IPO5: variants seen among roughly 807,000 people sequenced by gnomAD.
The protein encoded by IPO5 is importin-5.
In IPO5, 18 loss-of-function variants were observed where a neutral mutation model predicts 143.3. That is an observed-to-expected ratio of 0.13 (90% CI 0.09 to 0.19). The LOEUF is 0.19. Among genes scored for constraint, IPO5 ranks in the 10% least tolerant of loss-of-function variants. The pLI is 1.00. For synonymous variants in IPO5, 477 were observed against 465.7 expected, an observed-to-expected ratio of 1.02 and a Z score of -0.31; for missense variants, 1,013 against 1,336.9, an observed-to-expected ratio of 0.76 and a Z score of 3.78.
intron 18 of IPO5, among the ~76,000 whole-genome samples, 192 bp downstream of exon 18, chr13:98,008,334 C>T (rs899041444): frequency 1.3e-5 from 2 of 152,180 alleles, no homozygotes; most frequent in African/African-American, 4.8e-5. Context: ...GTTGCTCTTG[C>T]TTTCTGTGAC....
At chr13:97,981,116 C>A in intron 4 of IPO5, 1 of 352,722 alleles carries the variant, frequency 2.8e-6, no homozygotes, top group Non-Finnish European at 5.5e-6. Flanking sequence ...CTCTCCTCGG[C>A]TGTGAATACT....
chr13:97,990,608 C>A, intron 9 of IPO5, 71 bp downstream of exon 9: 1 of 823,806 alleles, frequency 1.2e-6, no homozygotes, highest in Non-Finnish European at 1.9e-6. Flanking sequence ...ATCATTTATG[C>A]AATAAATTCA....
intron 2 of IPO5, among the ~76,000 whole-genome samples, chr13:97,956,710 G>A (rs1277578216): frequency 6.6e-6 from 1 of 152,082 alleles, no homozygotes. Flanking sequence ...AAAAGATTTA[G>A]CCCTTATCCT....
At chr13:97,992,688 T>C (rs1566510844) in intron 9 of IPO5, among the ~76,000 whole-genome samples, 2 of 152,258 alleles carry the variant, frequency 1.3e-5, no homozygotes, top group Non-Finnish European at 1.5e-5. Context: ...TAAATCTGTT[T>C]TGAATGTTTC....
At chr13:98,001,060 C>T in intron 13 of IPO5, 1 of 195,786 alleles carries the variant, frequency 5.1e-6, no homozygotes, top group East Asian at 1.3e-4. Flanking sequence ...TTGTTGTTGA[C>T]ACAGGATTTC....
At chr13:97,988,571 C>G (rs1040971256) in intron 6 of IPO5, among the ~76,000 whole-genome samples, 8 of 152,178 alleles carry the variant, frequency 5.3e-5, no homozygotes, top group Non-Finnish European at 1.0e-4. Flanking sequence ...GTGGATCACC[C>G]AAGGTCAGGA....
At chr13:97,960,606 T>A (rs1193320444) in intron 2 of IPO5, among the ~76,000 whole-genome samples, 2 of 151,658 alleles carry the variant, frequency 1.3e-5, no homozygotes, top group Non-Finnish European at 2.9e-5. Flanking sequence ...TCACCCAGGC[T>A]GGAGTGCAAT....
intron 11 of IPO5, among the ~76,000 whole-genome samples, chr13:97,995,917 T>C (rs1392420788): frequency 6.6e-6 from 1 of 152,168 alleles, no homozygotes; most frequent in Admixed American, 6.5e-5. Context: ...TCACAAACCA[T>C]TGATGTAAAC....
Position 98,014,838 on chromosome 13 carries a change from CTT to C in IPO5, c.2325+637_2325+638del, listed in dbSNP as rs780865647. 1.1e-4 allele frequency among the ~76,000 whole-genome samples: 14 copies of C among 122,116 alleles called. No individual in the cohort carries two copies. In the East Asian group the frequency reaches 1.3e-3, roughly 11 times the overall value. The allele number at this position is 122,116 out of a possible 152,430, so 80.1% of individuals were successfully genotyped here. A position where few individuals can be genotyped will look rare whatever the true frequency, so the allele number is the denominator to read the frequency against. On this transcript the variant is annotated intron_variant, in intron 22 of 28. Transcript: ENST00000651721. ...TCTTTACACTTTCCTCAATTCTTCT[CTT>C]TTTTTTTTTTTTCATTGCCCCATCT...
At position 98,006,333 on chromosome 13, in the gene IPO5, T is replaced by A. The variant is rs756655652; in HGVS notation, c.1701T>A (p.Ala567=). ...AATGCATTAGCCTCATTGGTCTGGC[T>A]GTTGGGAAGGAAAAAGTAAGTAATT... ...TIECISLIGL[A]VGKEKFMQDA... The change falls in exon 17 of 29, where the codon GCT becomes GCA. Residue 567 remains alanine (A), a synonymous_variant. Transcript: ENST00000651721. 2.8e-5 allele frequency: 42 copies of A among 1,477,860 alleles called. No homozygotes were observed. The highest frequency in any genetic ancestry group is 2.4e-4 in the South Asian group (19 of 80,672). The allele number at this position is 1,477,860 out of a possible 1,614,324, so 91.5% of individuals were successfully genotyped here.
rs147406027 is a variant in IPO5, at chr13:97,986,381, GT to G, written c.364+771del. Among the ~76,000 whole-genome samples the G allele has an allele frequency of 5.1e-3, 766 of 151,260 alleles. 52 individuals are homozygous for G. In the East Asian group the frequency reaches 0.13, roughly 26 times the overall value. On this transcript the variant is annotated intron_variant, in intron 6 of 28. Coordinates refer to ENST00000651721, the MANE Select transcript of IPO5 (RefSeq NM_002271.6). ...ATATATTTTTTTTTTTTGAGACGGA[GT>G]TTCGCTCTTATTGCCTAGGCTGGAG...
intron 2 of IPO5, among the ~76,000 whole-genome samples, chr13:97,963,479 C>G (rs1327210255): frequency 6.6e-6 from 1 of 151,894 alleles, no homozygotes; most frequent in African/African-American, 2.4e-5. Flanking sequence ...AAGCAATTCC[C>G]TTGCCTCAGC....
chr13:98,016,017 G>C (rs1014302614), intron 24 of IPO5, among the ~76,000 whole-genome samples: 1 of 152,160 alleles, frequency 6.6e-6, no homozygotes, highest in Non-Finnish European at 1.5e-5. Flanking sequence ...AACACCTTGA[G>C]GTTTACCTAG....
chr13:98,008,699 G>A (rs1208080453), intron 18 of IPO5, among the ~76,000 whole-genome samples: 1 of 152,048 alleles, frequency 6.6e-6, no homozygotes, highest in Non-Finnish European at 1.5e-5. Context: ...CCCAGCTAAC[G>A]CTTGCTCACA....
chr13:98,011,011 C>A (rs1889668756), intron 20 of IPO5, among the ~76,000 whole-genome samples: 1 of 151,782 alleles, frequency 6.6e-6, no homozygotes, highest in Non-Finnish European at 1.5e-5. Flanking sequence ...CAACTCCTGA[C>A]CTCAGGTGAT....
At chr13:98,020,094 G>A (rs919727789) in intron 27 of IPO5, among the ~76,000 whole-genome samples, 14 of 152,168 alleles carry the variant, frequency 9.2e-5, no homozygotes, top group Middle Eastern at 3.4e-3. Context: ...TTTTGGTAGC[G>A]ACAAGGTCTT....
At chr13:98,001,426 A>G (rs1000148522) in intron 13 of IPO5, among the ~76,000 whole-genome samples, 7 of 152,168 alleles carry the variant, frequency 4.6e-5, no homozygotes, top group South Asian at 2.1e-4. Flanking sequence ...ACTGGATTCA[A>G]GCGATTCTCC....
In IPO5 at chr13:98,010,151, A is replaced by G; in HGVS notation, c.1982A>G (p.Asn661Ser). 1 of 1,614,114 alleles carries G rather than the reference A, an allele frequency of 6.2e-7. No individual in the cohort carries two copies. The highest frequency in any genetic ancestry group is 8.5e-7 in the Non-Finnish European group (1 of 1,179,982). Residue 661 changes from asparagine to serine, a missense_variant, in exon 20 of 29, where the codon AAC (asparagine) becomes AGC (serine). Physicochemically the swap from Asn to Ser is conservative, Grantham distance 46 (BLOSUM62 1). Coordinates refer to ENST00000651721, the MANE Select transcript of IPO5 (RefSeq NM_002271.6). The stretch of plus-strand genomic sequence containing the variant: ...GATGATGATGGTTGGGAATTTGTGA[A>G]CCTTGGAGATCAGCAAAGCTTTGGT... The part of the protein sequence containing the change: ...MSDDDGWEFV[N>S]LGDQQSFGIK...
chr13:97,968,524 G>A (rs1441929974), intron 2 of IPO5, among the ~76,000 whole-genome samples: 2 of 152,034 alleles, frequency 1.3e-5, no homozygotes, highest in Non-Finnish European at 2.9e-5. Flanking sequence ...CCTTAATTCT[G>A]TCAGGTTTTG....
Sources: allele counts gnomAD v4.1 joint callset (sites outside exome capture counted in the v4.1 genomes callset), GRCh38; gene constraint gnomAD v4.1.1; transcripts MANE v1.5; gene names NCBI Gene and HGNC (gene_info 2026-07-23, HGNC 2026-07-21).